The following IPO11 variants were observed in gnomAD, a reference collection of about 807,000 sequenced individuals.
IPO11 encodes the protein importin 11.
IPO11 carries 66 observed loss-of-function variants against 143.2 expected under a neutral mutation model. The ratio of observed to expected loss-of-function variants is 0.46; its 90% confidence interval spans 0.38 to 0.57. The LOEUF (loss-of-function observed/expected upper bound fraction) is 0.57, where lower values mean the gene tolerates loss of function less well. Ranked by LOEUF, IPO11 falls within the 20% of genes least tolerant of loss-of-function variation. IPO11 has a pLI of 0.00. For missense variants in IPO11, 1,026 were observed against 1,141.0 expected (o/e 0.90, Z 1.45); for synonymous variants, 385 against 377.8 (o/e 1.02, Z -0.22).
intron 8 of IPO11, 94 bp downstream of exon 8, chr5:62,474,558 T>C (rs1745889888): frequency 4.6e-6 from 4 of 863,266 alleles, no homozygotes; most frequent in Non-Finnish European, 7.4e-6. Flanking sequence ...GAGGGATTAA[T>C]AGATGCTTAT....
intron 27 of IPO11, chr5:62,581,004 GA>G: frequency 6.4e-7 from 1 of 1,551,244 alleles, no homozygotes; most frequent in South Asian, 1.2e-5. Context: ...AAGAAGTTGA[GA>G]AGTTGAATGA....
chr5:62,438,260 G>A (rs575843317), intron 2 of IPO11, among the ~76,000 whole-genome samples: 6 of 151,984 alleles, frequency 3.9e-5, no homozygotes, highest in Non-Finnish European at 8.8e-5. Context: ...AGAAGATATT[G>A]TTCATGACAG....
At position 62,483,156 on chromosome 5, in the gene IPO11, C is replaced by G. The variant is rs998069939; in HGVS notation, c.884C>G (p.Ser295Ter). The G allele has an allele frequency of 6.2e-7, 1 of 1,609,510 alleles. No individual in the cohort carries two copies. Among genetic ancestry groups the G allele is most frequent in the Non-Finnish European group, 8.5e-7 (1 of 1,177,036 alleles). Residue 295 changes from serine (S) to a stop codon, truncating the protein, a stop_gained, in exon 10 of 30, where the codon TCA (serine) becomes TGA (stop). Transcript: ENST00000325324. LOFTEE classifies it high-confidence loss of function. The stretch of plus-strand genomic sequence containing the variant: ...TCATTTACTCCTCTAATTCAGAGAT[C>G]ACTGGAATTTTCTGTAAGCTATGTT... ...PFSFTPLIQR[S>*]LEFSVSYVFT...
At chr5:62,560,342 A>G (rs1005919742) in intron 26 of IPO11, among the ~76,000 whole-genome samples, 1 of 152,222 alleles carries the variant, frequency 6.6e-6, no homozygotes, top group African/African-American at 2.4e-5. Context: ...AGCAGGCTGG[A>G]AACTCAGGCA....
rs149383793 is a variant in IPO11, at chr5:62,585,561, G to A, written c.2583-6016G>A. On this transcript the variant is annotated intron_variant, in intron 27 of 29. Transcript: ENST00000325324. ...GGAACCAGGTCATATATAGGGCTGA[G>A]TAAACTAGGATTAAGGGTTTGGATT... Among the ~76,000 whole-genome samples the A allele has an allele frequency of 7.6e-3, 1,154 of 152,296 alleles. 4 individuals carry two copies. Among genetic ancestry groups the A allele is most frequent in the Non-Finnish European group, 0.01 (685 of 68,028 alleles).
intron 27 of IPO11, among the ~76,000 whole-genome samples, chr5:62,572,961 G>A (rs894825921): frequency 6.6e-6 from 1 of 151,996 alleles, no homozygotes; most frequent in African/African-American, 2.4e-5. Flanking sequence ...CTCAAGTTCC[G>A]TTTGTTACGA....
chr5:62,462,464 C>T (rs1745392548), intron 5 of IPO11, among the ~76,000 whole-genome samples: 1 of 150,840 alleles, frequency 6.6e-6, no homozygotes, highest in African/African-American at 2.4e-5. Context: ...AAGAGATATT[C>T]TGGTAACAGA....
In IPO11 at chr5:62,470,298, T is replaced by C; in HGVS notation, c.698T>C (p.Met233Thr). 1.2e-6 allele frequency: 2 copies of C among 1,613,646 alleles called. No homozygotes were observed. Among genetic ancestry groups the C allele is most frequent in the South Asian group, 2.2e-5 (2 of 91,056 alleles). The stretch of plus-strand genomic sequence containing the variant: ...GGATTTGTGGAACCTCATAAGAATA[T>C]GGAGGTGATGGTAAGTGATCGAAGA... The part of the protein sequence containing the change: ...VNGFVEPHKN[M>T]EVMGFLHGIF... Residue 233 changes from methionine to threonine, a missense_variant, in exon 7 of 30, where the codon ATG becomes ACG. Physicochemically the swap from Met to Thr is moderately conservative, Grantham distance 81. Coordinates refer to ENST00000325324, the MANE Select transcript of IPO11 (RefSeq NM_016338.5).
intron 21 of IPO11, among the ~76,000 whole-genome samples, chr5:62,527,958 T>G (rs556329386): frequency 6.6e-6 from 1 of 152,344 alleles, no homozygotes; most frequent in East Asian, 1.9e-4. Flanking sequence ...TTTTCTTGTC[T>G]TTAAAATGAA....
rs1011737647 is a variant in IPO11, at chr5:62,470,316, A to G, written c.708+8A>G. 1.9e-6 allele frequency: 3 copies of G among 1,612,728 alleles called. No homozygotes were observed. The Admixed American group carries it at 5.0e-5, about 27-fold the overall frequency. On this transcript the variant is annotated splice_region_variant and intron_variant, in intron 7 of 29. Coordinates refer to ENST00000325324, the MANE Select transcript of IPO11 (RefSeq NM_016338.5). ...AAGAATATGGAGGTGATGGTAAGTG[A>G]TCGAAGAAATTTGCTGTGACTTTGG...
chr5:62,541,755 A>T (rs1742953710), intron 24 of IPO11, among the ~76,000 whole-genome samples: 1 of 152,128 alleles, frequency 6.6e-6, no homozygotes, highest in Admixed American at 6.5e-5. Flanking sequence ...AATCTTTTTA[A>T]ACATTTTTAT....
At position 62,474,407 on chromosome 5, in the gene IPO11, C is replaced by T; in HGVS notation, c.709-9C>T. The T allele has an allele frequency of 6.7e-7, 1 of 1,490,412 alleles. No homozygotes were observed. The highest frequency in any genetic ancestry group is 9.1e-7 in the Non-Finnish European group (1 of 1,097,128). 92.3% of individuals were successfully genotyped at this position (1,490,412 alleles called of 1,614,324 possible). A position where few individuals can be genotyped will look rare whatever the true frequency, so the allele number is the denominator to read the frequency against. On this transcript the variant is annotated splice_polypyrimidine_tract_variant and intron_variant, in intron 7 of 29. Coordinates refer to ENST00000325324, the MANE Select transcript of IPO11 (RefSeq NM_016338.5). The stretch of plus-strand genomic sequence containing the variant: ...AAATTGAGATATTTAAAATAATATT[C>T]TTTTCTAGGGTTTTTTACATGGAAT...
chr5:62,583,799 C>T (rs555619262), intron 27 of IPO11, among the ~76,000 whole-genome samples: 2 of 152,256 alleles, frequency 1.3e-5, no homozygotes, highest in East Asian at 3.9e-4. Flanking sequence ...ACATTTTGAG[C>T]AGCCCTAAGT....
intron 9 of IPO11, among the ~76,000 whole-genome samples, chr5:62,481,112 G>T (rs902203196): frequency 6.6e-6 from 1 of 151,740 alleles, no homozygotes; most frequent in African/African-American, 2.4e-5. Context: ...TAGAGACAGG[G>T]TTTCACCGTG....
intron 19 of IPO11, among the ~76,000 whole-genome samples, chr5:62,508,754 C>T (rs1471488202): frequency 1.3e-5 from 2 of 152,086 alleles, no homozygotes; most frequent in African/African-American, 2.4e-5. Context: ...CCCCCAGCCC[C>T]GCACCACTCG....
At position 62,435,210 on chromosome 5, in the gene IPO11, G is replaced by GTATATA. The variant is rs769669064; in HGVS notation, c.-6-2063_-6-2062insATATAT. Among the ~76,000 whole-genome samples, 72 of 92,296 alleles carry GTATATA rather than the reference G, an allele frequency of 7.8e-4. 2 individuals carry two copies. The highest frequency in any genetic ancestry group is 3.0e-3 in the African/African-American group (65 of 21,496). The allele number at this position is 92,296 out of a possible 152,430, so 60.5% of individuals were successfully genotyped here. ...TATATGTATATATATGTATATATAT[G>GTATATA]TGTATATATATATATATCAGAGCAG... is the stretch of plus-strand genomic sequence containing the variant. On this transcript the variant is annotated intron_variant, in intron 1 of 29. Transcript: ENST00000325324.
chr5:62,565,240 C>T (rs1458188904), intron 27 of IPO11, among the ~76,000 whole-genome samples: 2 of 152,332 alleles, frequency 1.3e-5, no homozygotes, highest in East Asian at 1.9e-4. Flanking sequence ...AATCCCAGCA[C>T]TTTTGGAGGC....
intron 27 of IPO11, among the ~76,000 whole-genome samples, chr5:62,584,431 CTACCAAAAA>C (rs1352933652): frequency 6.6e-6 from 1 of 151,830 alleles, no homozygotes; most frequent in Non-Finnish European, 1.5e-5. Flanking sequence ...AACCCCATCT[CTACCAAAAA>C]TACCAAAAAT....
intron 20 of IPO11, among the ~76,000 whole-genome samples, chr5:62,520,202 ATAAC>A (rs1226176314): frequency 1.3e-5 from 2 of 152,226 alleles, no homozygotes; most frequent in African/African-American, 4.8e-5. Flanking sequence ...TAGTGGTTGA[ATAAC>A]TAGGGAATGG....
Sources: gnomAD v4.1 joint callset for allele counts (sites outside exome capture counted in the v4.1 genomes callset) on GRCh38, gnomAD v4.1.1 for gene constraint, MANE v1.5 for transcripts, NCBI Gene and HGNC (gene_info 2026-07-23, HGNC 2026-07-21) for gene names.